The following KIF14 variants were observed in gnomAD, a reference collection of about 807,000 sequenced individuals.
KIF14 encodes the protein kinesin family member 14, also known as kinesin-like protein KIF14.
In KIF14, 98 loss-of-function variants were observed where a neutral mutation model predicts 176.2. The ratio of observed to expected loss-of-function variants is 0.56; its 90% confidence interval spans 0.47 to 0.66. The LOEUF (loss-of-function observed/expected upper bound fraction) is 0.66. Among genes scored for constraint, KIF14 ranks in the 30% least tolerant of loss-of-function variants. The probability of loss-of-function intolerance (pLI) is 0.00; values close to 1 mark genes in which losing one functional copy is unlikely to be tolerated. For missense variants in KIF14, 1,751 were observed against 1,920.4 expected (o/e 0.91, Z 1.65); for synonymous variants, 566 against 632.2 (o/e 0.90, Z 1.57).
At chr1:200,598,703 C>T (rs1476243242) in intron 13 of KIF14, among the ~76,000 whole-genome samples, 13 of 152,068 alleles carry the variant, frequency 8.5e-5, no homozygotes, top group African/African-American at 2.2e-4. Context: ...AGACTACAGG[C>T]GCATGCCACC....
At chr1:200,613,918 C>G (rs1445792294) in intron 4 of KIF14, among the ~76,000 whole-genome samples, 1 of 152,226 alleles carries the variant, frequency 6.6e-6, no homozygotes, top group Non-Finnish European at 1.5e-5. Flanking sequence ...GAAGTCAACT[C>G]TGGGTTCAAA....
Position 200,600,449 on chromosome 1 carries a change from A to G in KIF14, c.2207T>C (p.Ile736Thr), listed in dbSNP as rs1474916184. 2.5e-6 allele frequency: 4 copies of G among 1,613,762 alleles called. No homozygotes were observed. In the African/African-American group the frequency reaches 5.3e-5, roughly 22 times the overall value. ...ACAGAGCCTGTATCGTTCAGGGTCA[A>G]TATTCCGACTGTTTCTCTGAGCAGC... is the stretch of plus-strand genomic sequence containing the variant. ...LKAAQRNSRNIDPERYRLCRQ... is the reference protein window; with the variant it reads ...LKAAQRNSRNTDPERYRLCRQ... The change falls in exon 12 of 30, where the codon ATT (isoleucine) becomes ACT (threonine). Residue 736 changes from isoleucine (I) to threonine (T), a missense_variant. By Grantham distance (89) the Ile-to-Thr change is moderately conservative. Transcript: ENST00000367350.
At chr1:200,586,790 C>CATACATATATATATATATATAT (rs1658768172) in intron 18 of KIF14, among the ~76,000 whole-genome samples, 3 of 128,330 alleles carry the variant, frequency 2.3e-5, no homozygotes, top group Admixed American at 2.3e-4. Context: ...TATATACATA[C>CATACATATATATATATATATAT]ATATATATAT....
chr1:200,572,613 G>A (rs531558368), intron 22 of KIF14, among the ~76,000 whole-genome samples: 1 of 152,268 alleles, frequency 6.6e-6, no homozygotes, highest in East Asian at 1.9e-4. Flanking sequence ...AAAGTGCTGG[G>A]ATTACAAGCA....
intron 3 of KIF14, among the ~76,000 whole-genome samples, chr1:200,614,790 CAAAAAAAAAA>C (rs67447333): frequency 6.7e-5 from 5 of 74,876 alleles, no homozygotes; most frequent in African/African-American, 1.7e-4. Context: ...AACCTTGCTA[CAAAAAAAAAA>C]AAAAAAAAAA....
intron 23 of KIF14, among the ~76,000 whole-genome samples, chr1:200,567,370 T>A (rs1657522190): frequency 6.6e-6 from 1 of 151,532 alleles, no homozygotes; most frequent in Non-Finnish European, 1.5e-5. Flanking sequence ...TGAAACCCCG[T>A]CTCTACTAAA....
chr1:200,595,017 A>C (rs1571532394), intron 14 of KIF14, among the ~76,000 whole-genome samples: 1 of 151,260 alleles, frequency 6.6e-6, no homozygotes, highest in African/African-American at 2.4e-5. Context: ...TCAACCACCA[A>C]CCTCCCTCAT....
At chr1:200,596,888 CTTTTTT>C (rs993346438) in intron 14 of KIF14, among the ~76,000 whole-genome samples, 3 of 99,212 alleles carry the variant, frequency 3.0e-5, no homozygotes, top group Admixed American at 2.5e-4. Flanking sequence ...CTCTCTCTCT[CTTTTTT>C]TTTTTTTTTT....
At position 200,615,627 on chromosome 1, in the gene KIF14, GA is replaced by G; in HGVS notation, c.1113-19del. ...TCTTCTCTCTTGAAAGAAGCACAAAGAAAAAAATCAAGTAACTAAAATGATC... is the reference window on the plus strand; with the variant it reads ...TCTTCTCTCTTGAAAGAAGCACAAAGAAAAAATCAAGTAACTAAAATGATC... On this transcript the variant is annotated intron_variant, in intron 2 of 29. Coordinates refer to ENST00000367350, the MANE Select transcript of KIF14 (RefSeq NM_014875.3). The G allele has an allele frequency of 6.3e-7, 1 of 1,582,892 alleles. No homozygotes were observed. The highest frequency in any genetic ancestry group is 8.6e-7 in the Non-Finnish European group (1 of 1,166,880).
chr1:200,565,070 T>G lies in KIF14; in HGVS notation c.4070A>C (p.Gln1357Pro). Residue 1357 changes from glutamine to proline, a missense_variant and splice_region_variant, in exon 25 of 30, where the codon CAG becomes CCG. Gln to Pro is a moderately conservative substitution (Grantham distance 76, BLOSUM62 -1). Coordinates refer to ENST00000367350, the MANE Select transcript of KIF14 (RefSeq NM_014875.3). The part of the protein sequence containing the change: ...KLGGYLQLFL[Q>P]GCCLDISSMI... ...ATGATAATAAGCAAATCAATTTACC[T>G]GCAAAAATAACTGTAAGTAGCCTCC... 1 of 1,604,446 alleles carries G rather than the reference T, an allele frequency of 6.2e-7. No homozygotes were observed. The highest frequency in any genetic ancestry group is 8.5e-7 in the Non-Finnish European group (1 of 1,174,528).
At chr1:200,594,575 T>C (rs1471489874) in intron 14 of KIF14, among the ~76,000 whole-genome samples, 2 of 152,108 alleles carry the variant, frequency 1.3e-5, no homozygotes, top group Admixed American at 6.6e-5. Context: ...GATCAAAGTG[T>C]ACCCCTTAAG....
chr1:200,596,888 C>CTTTTTTT (rs993346438), intron 14 of KIF14, among the ~76,000 whole-genome samples: 3 of 99,212 alleles, frequency 3.0e-5, no homozygotes, highest in African/African-American at 8.4e-5. Context: ...CTCTCTCTCT[C>CTTTTTTT]TTTTTTTTTT....
chr1:200,578,265 GTTTTA>G (rs931282369), intron 21 of KIF14, among the ~76,000 whole-genome samples: 2 of 151,462 alleles, frequency 1.3e-5, no homozygotes, highest in African/African-American at 4.8e-5. Context: ...GCTTTCCTTT[GTTTTA>G]TTTTGTTTTT....
rs939239381 is a variant in KIF14, at chr1:200,589,387, A to C, written c.2962-18T>G. 1 of 1,576,544 alleles carries C rather than the reference A, an allele frequency of 6.3e-7. No individual in the cohort carries two copies. Among genetic ancestry groups the C allele is most frequent in the African/African-American group, 1.4e-5 (1 of 73,170 alleles). On this transcript the variant is annotated intron_variant, in intron 17 of 29. Coordinates refer to ENST00000367350, the MANE Select transcript of KIF14 (RefSeq NM_014875.3). Reference sequence around the variant, plus strand: ...TCTTCTCTCTTTAAAGAACAATAATAAAAAATATCTCAGGCAAAAACCGTA... The same window carrying C: ...TCTTCTCTCTTTAAAGAACAATAATCAAAAATATCTCAGGCAAAAACCGTA...
intron 27 of KIF14, among the ~76,000 whole-genome samples, chr1:200,557,944 T>G (rs1251134858): frequency 6.6e-6 from 1 of 152,168 alleles, no homozygotes; most frequent in Non-Finnish European, 1.5e-5. Flanking sequence ...AGCAATGGAA[T>G]GGACAGGGGT....
chr1:200,612,982 G>T (rs568717301), intron 4 of KIF14, among the ~76,000 whole-genome samples: 3 of 145,810 alleles, frequency 2.1e-5, no homozygotes, highest in Non-Finnish European at 4.4e-5. Context: ...CCATCTCCCT[G>T]GTTCAAGCGA....
At chr1:200,565,412 A>G in intron 24 of KIF14, 33 bp downstream of exon 24, 1 of 1,510,266 alleles carries the variant, frequency 6.6e-7, no homozygotes, top group Non-Finnish European at 9.0e-7. Flanking sequence ...ATAATCATTT[A>G]TGTGAGTTAA....
intron 22 of KIF14, among the ~76,000 whole-genome samples, chr1:200,571,064 C>T (rs1657755935): frequency 6.6e-6 from 1 of 152,134 alleles, no homozygotes; most frequent in Non-Finnish European, 1.5e-5. Context: ...AAGCATAATA[C>T]CTGTGAAGTG....
chr1:200,577,725 A>G (rs995424666), intron 21 of KIF14, among the ~76,000 whole-genome samples: 3 of 152,094 alleles, frequency 2.0e-5, no homozygotes, highest in African/African-American at 7.2e-5. Context: ...GAAAAAAAAA[A>G]AAGAAGATTG....
Sources: allele counts gnomAD v4.1 joint callset (sites outside exome capture counted in the v4.1 genomes callset), GRCh38; gene constraint gnomAD v4.1.1; transcripts MANE v1.5; gene names NCBI Gene and HGNC (gene_info 2026-07-23, HGNC 2026-07-21).